The following PARPBP variants were observed in gnomAD, a reference collection of about 807,000 sequenced individuals.
PARPBP encodes PCNA-interacting partner.
PARPBP carries 52 observed loss-of-function variants against 50.0 expected under a neutral mutation model. That is an observed-to-expected ratio of 1.04 (90% CI 0.83 to 1.31). The LOEUF (loss-of-function observed/expected upper bound fraction) is 1.31. PARPBP is among the 50% of genes most tolerant of loss of function. PARPBP has a pLI of 0.00. For synonymous variants in PARPBP, 244 were observed against 232.1 expected (o/e 1.05, Z -0.47); for missense variants, 697 against 672.0 (o/e 1.04, Z -0.41).
chr12:102,133,050 G>A (rs1191373703), intron 2 of PARPBP, among the ~76,000 whole-genome samples: 1 of 151,968 alleles, frequency 6.6e-6, no homozygotes, highest in Non-Finnish European at 1.5e-5. Flanking sequence ...TTTTGGTGGC[G>A]TCTTTATGGT....
chr12:102,175,758 A>G (rs755763228), intron 7 of PARPBP, 92 bp downstream of exon 7: 6 of 754,004 alleles, frequency 8.0e-6, no homozygotes, highest in African/African-American at 1.8e-5. Context: ...TACTTAAGTC[A>G]GAAGAGTGTG....
At chr12:102,133,004 T>C (rs538057277) in intron 2 of PARPBP, among the ~76,000 whole-genome samples, 6 of 152,202 alleles carry the variant, frequency 3.9e-5, no homozygotes, top group Non-Finnish European at 8.8e-5. Flanking sequence ...GATTTTTGTA[T>C]CTTGCCACTT....
chr12:102,157,571 T>G (rs1887096115), intron 4 of PARPBP, among the ~76,000 whole-genome samples: 1 of 152,192 alleles, frequency 6.6e-6, no homozygotes, highest in South Asian at 2.1e-4. Flanking sequence ...TTTGGTTTAA[T>G]ATTTCCTAAG....
chr12:102,126,885 A>G (rs372558053), intron 2 of PARPBP, among the ~76,000 whole-genome samples: 4 of 152,328 alleles, frequency 2.6e-5, no homozygotes, highest in African/African-American at 9.6e-5. Context: ...TAGACAGAAA[A>G]GTTAATCTAA....
chr12:102,151,766 G>A lies in PARPBP; in HGVS notation c.388-2103G>A, dbSNP rs1004836286. ...CCCATCACGGTCCAGAAGAAGAGAC[G>A]AGACCTGAAGAAGCTGGCAGCTGTC... On this transcript the variant is annotated intron_variant, in intron 3 of 10. Coordinates refer to ENST00000327680, the MANE Select transcript of PARPBP (RefSeq NM_017915.5). The A allele has an allele frequency of 2.5e-5, 38 of 1,535,480 alleles. No individual in the cohort carries two copies. In the African/African-American group the frequency reaches 3.1e-4, roughly 13 times the overall value.
chr12:102,179,261 T>C (rs1228563287), intron 8 of PARPBP, among the ~76,000 whole-genome samples: 1 of 152,158 alleles, frequency 6.6e-6, no homozygotes, highest in Admixed American at 6.5e-5. Context: ...CTGCCTAGAA[T>C]AAGAGAGAGC....
Position 102,148,376 on chromosome 12 carries a change from G to A in PARPBP, c.300G>A (p.Lys100=). 1.3e-6 allele frequency: 2 copies of A among 1,588,954 alleles called. No individual in the cohort carries two copies. The highest frequency in any genetic ancestry group is 1.7e-6 in the Non-Finnish European group (2 of 1,157,570). ...GGAAGATTTATGATGATTTCTTGAA[G>A]AACAGTAATATGTTAGATCTGATTG... ...DVRKIYDDFL[K]NSNMLDLIDV... The change falls in exon 3 of 11, where the codon AAG becomes AAA. Residue 100 remains lysine (K), a synonymous_variant. Transcript: ENST00000327680.
chr12:102,155,082 G>C (rs1469704708), intron 4 of PARPBP: 1 of 249,504 alleles, frequency 4.0e-6, no homozygotes, highest in Non-Finnish European at 8.0e-6. Context: ...CCCATTTCAA[G>C]GTGTCCCACC....
chr12:102,147,152 C>G (rs1471460669), intron 2 of PARPBP, among the ~76,000 whole-genome samples: 3 of 152,198 alleles, frequency 2.0e-5, no homozygotes, highest in African/African-American at 7.2e-5. Context: ...TTGTGGAAGT[C>G]AGTGTGGCTA....
In PARPBP at chr12:102,197,513, G is replaced by A. The variant is rs376436970; in HGVS notation, c.*1222G>A. On this transcript the variant is annotated 3_prime_UTR_variant, in exon 11 of 11. Coordinates refer to ENST00000327680, the MANE Select transcript of PARPBP (RefSeq NM_017915.5). The stretch of plus-strand genomic sequence containing the variant: ...ATTGAAATAAACGACAAGTCACATT[G>A]CCACTTACCTTTGAAACTTTATTTT... 2.8e-5 allele frequency: 45 copies of A among 1,593,448 alleles called. No homozygotes were observed. The African/African-American group carries it at 5.4e-4, about 19-fold the overall frequency.
intron 4 of PARPBP, among the ~76,000 whole-genome samples, chr12:102,160,375 T>A (rs1413273750): frequency 6.6e-6 from 1 of 152,230 alleles, no homozygotes; most frequent in Admixed American, 6.5e-5. Context: ...GGTATATACA[T>A]ATTTGTTAAG....
At chr12:102,177,904 C>G (rs570155428) in intron 7 of PARPBP, among the ~76,000 whole-genome samples, 2 of 152,334 alleles carry the variant, frequency 1.3e-5, no homozygotes, top group African/African-American at 4.8e-5. Flanking sequence ...TCTCTTCTTC[C>G]TCTGGGTGCC....
chr12:102,155,553 A>T (rs1300192309), intron 4 of PARPBP, among the ~76,000 whole-genome samples: 2 of 125,212 alleles, frequency 1.6e-5, no homozygotes, highest in Non-Finnish European at 3.2e-5. Context: ...CTAAAACAGG[A>T]GGTAAAGAAA....
At chr12:102,121,041 C>G (rs184421474) in intron 1 of PARPBP, among the ~76,000 whole-genome samples, 1 of 152,284 alleles carries the variant, frequency 6.6e-6, no homozygotes, top group Non-Finnish European at 1.5e-5. Flanking sequence ...ATAGTGCAGC[C>G]TGCCATTCAG....
rs369215518 is a variant in PARPBP at position 102,134,144 on chromosome 12, A to G, written c.153+10103A>G. Among the ~76,000 whole-genome samples, 17 of 151,856 alleles carry G rather than the reference A, an allele frequency of 1.1e-4. 1 individual carries two copies. Among genetic ancestry groups the G allele is most frequent in the Admixed American group, 2.0e-4 (3 of 15,276 alleles). On this transcript the variant is annotated intron_variant, in intron 2 of 10. Coordinates refer to ENST00000327680, the MANE Select transcript of PARPBP (RefSeq NM_017915.5). ...TAAATGAAATAGAGACTAAAAAAAC[A>G]ATAGCAAAGATCAATGAAGCTAAGA...
chr12:102,140,607 T>C (rs1404097626), intron 2 of PARPBP, among the ~76,000 whole-genome samples: 1 of 152,120 alleles, frequency 6.6e-6, no homozygotes, highest in African/African-American at 2.4e-5. Flanking sequence ...TCCTGCTTTC[T>C]CTTGTGGGCA....
At chr12:102,123,469 C>T (rs763615189) in intron 1 of PARPBP, among the ~76,000 whole-genome samples, 5 of 150,226 alleles carry the variant, frequency 3.3e-5, no homozygotes, top group African/African-American at 7.3e-5. Context: ...TTTGGGACAA[C>T]GTAGGATGGG....
At chr12:102,169,222 A>G (rs1888446665) in intron 6 of PARPBP, among the ~76,000 whole-genome samples, 1 of 152,146 alleles carries the variant, frequency 6.6e-6, no homozygotes, top group South Asian at 2.1e-4. Flanking sequence ...GTCATTTCCT[A>G]TTGGAACTCT....
chr12:102,144,915 A>AT (rs919155871), intron 2 of PARPBP, among the ~76,000 whole-genome samples: 4 of 152,130 alleles, frequency 2.6e-5, no homozygotes, highest in East Asian at 3.9e-4. Context: ...AGAGTTACTG[A>AT]TTTTTTTGTT....
Sources: gnomAD v4.1 joint callset for allele counts (sites outside exome capture counted in the v4.1 genomes callset) on GRCh38, gnomAD v4.1.1 for gene constraint, MANE v1.5 for transcripts, NCBI Gene and HGNC (gene_info 2026-07-23, HGNC 2026-07-21) for gene names.